C4BPA: variants seen among roughly 807,000 people sequenced by gnomAD.
C4BPA encodes complement component 4 binding protein alpha, also known as C4b-binding protein alpha chain.
Under a neutral mutation model 63.7 loss-of-function variants are expected in C4BPA, and 31 were observed. The ratio of observed to expected loss-of-function variants is 0.49; its 90% CI spans 0.37 to 0.66. The LOEUF is 0.66. Ranked by LOEUF, C4BPA falls within the 30% of genes least tolerant of loss-of-function variation. The probability of loss-of-function intolerance (pLI) is 0.00; values close to 1 mark genes in which losing one functional copy is unlikely to be tolerated. For synonymous variants in C4BPA, 259 were observed against 254.7 expected, an observed-to-expected ratio of 1.02 and a Z score of -0.16; for missense variants, 572 against 723.3, an observed-to-expected ratio of 0.79 and a Z score of 2.40.
rs1684698150 is a variant in C4BPA at position 207,112,863 on chromosome 1, G to A, written c.-25-138G>A. 7.1e-6 allele frequency: 5 copies of A among 699,306 alleles called. No homozygotes were observed. The East Asian group carries it at 1.5e-4, about 21-fold the overall frequency. 43.3% of individuals were successfully genotyped at this position (699,306 alleles called of 1,614,324 possible). On this transcript the variant is annotated intron_variant, in intron 1 of 11. Transcript: ENST00000367070. ...CTTACTGTCTTGTGCTGTAACATTT[G>A]TGCTCAGGGGTTTTTTTGTTTTGTT...
intron 8 of C4BPA, among the ~76,000 whole-genome samples, chr1:207,133,703 T>C (rs1685215336): frequency 6.6e-6 from 1 of 152,142 alleles, no homozygotes; most frequent in Non-Finnish European, 1.5e-5. Context: ...TTTGAGACTG[T>C]AGTGAGCCAT....
At chr1:207,130,856 A>C (rs1011967894) in intron 7 of C4BPA, among the ~76,000 whole-genome samples, 1 of 152,188 alleles carries the variant, frequency 6.6e-6, no homozygotes, top group Non-Finnish European at 1.5e-5. Flanking sequence ...GGTTGATAAA[A>C]ATATTCTGAA....
chr1:207,132,195 G>A (rs1685174387), intron 8 of C4BPA, among the ~76,000 whole-genome samples: 2 of 152,134 alleles, frequency 1.3e-5, no homozygotes, highest in Admixed American at 1.3e-4. Context: ...TGAGATGGCA[G>A]GGCTTCCTGA....
At chr1:207,130,401 T>C (rs1685134574) in intron 7 of C4BPA, among the ~76,000 whole-genome samples, 1 of 152,208 alleles carries the variant, frequency 6.6e-6, no homozygotes, top group Non-Finnish European at 1.5e-5. Context: ...GCAGTCCTGC[T>C]GAAGTTTAAC....
intron 7 of C4BPA, among the ~76,000 whole-genome samples, chr1:207,129,472 A>C (rs555731051): frequency 1.1e-4 from 17 of 151,848 alleles, no homozygotes; most frequent in Non-Finnish European, 2.1e-4. Context: ...ATATCCAAGA[A>C]GCTTGTTGAA....
At chr1:207,109,067 T>C (rs1684615036) in intron 1 of C4BPA, among the ~76,000 whole-genome samples, 2 of 152,148 alleles carry the variant, frequency 1.3e-5, no homozygotes, top group South Asian at 4.1e-4. Context: ...TGTGGATGAC[T>C]TCCTTTCAGG....
chr1:207,129,884 C>T (rs909620009), intron 7 of C4BPA, among the ~76,000 whole-genome samples: 6 of 152,066 alleles, frequency 3.9e-5, no homozygotes, highest in South Asian at 2.1e-4. Flanking sequence ...TCATTTCTGG[C>T]GCTCTTTATT....
At chr1:207,110,043 C>T (rs369980391) in intron 1 of C4BPA, among the ~76,000 whole-genome samples, 16 of 152,264 alleles carry the variant, frequency 1.1e-4, no homozygotes, top group African/African-American at 3.4e-4. Context: ...CTTCATGAGG[C>T]GCAGGCTAGG....
chr1:207,132,163 G>A (rs942418372), intron 8 of C4BPA, among the ~76,000 whole-genome samples: 1 of 152,198 alleles, frequency 6.6e-6, no homozygotes, highest in African/African-American at 2.4e-5. Context: ...AGGGTGACTT[G>A]TGTCTCATGT....
At position 207,141,140 on chromosome 1, in the gene C4BPA, T is replaced by C; in HGVS notation, c.1308T>C (p.His436=). Residue 436 remains histidine (H), a synonymous_variant, in exon 10 of 12, where the codon CAT becomes CAC. Coordinates refer to ENST00000367070, the MANE Select transcript of C4BPA (RefSeq NM_000715.4). ...CNFPPKIAHG[H]YKQSSSYSFF... is the part of the protein sequence containing the mutation. ...TTCCTCCTAAAATTGCCCATGGGCA[T>C]TATAAACAATCTAGTTCATACAGCT... 6.2e-7 allele frequency: 1 copy of C among 1,612,660 alleles called. No homozygotes were observed. The highest frequency in any genetic ancestry group is 8.5e-7 in the Non-Finnish European group (1 of 1,179,320).
intron 1 of C4BPA, among the ~76,000 whole-genome samples, chr1:207,105,663 T>C (rs1684545869): frequency 6.6e-6 from 1 of 151,258 alleles, no homozygotes; most frequent in African/African-American, 2.4e-5. Flanking sequence ...AGAGCCCAGG[T>C]ATAAGGAAGA....
intron 9 of C4BPA, 100 bp downstream of exon 9, chr1:207,134,692 A>G: frequency 1.3e-6 from 1 of 766,288 alleles, no homozygotes; most frequent in Non-Finnish European, 2.1e-6. Context: ...AAATTCATAT[A>G]CCTTGCATGA....
intron 4 of C4BPA, among the ~76,000 whole-genome samples, chr1:207,118,127 T>G (rs977186371): frequency 2.2e-5 from 3 of 133,772 alleles, no homozygotes; most frequent in Non-Finnish European, 1.6e-5. Flanking sequence ...CATCTATCTA[T>G]CATCTATCTG....
chr1:207,107,786 G>A (rs1572772026), intron 1 of C4BPA, among the ~76,000 whole-genome samples: 1 of 152,300 alleles, frequency 6.6e-6, no homozygotes, highest in East Asian at 1.9e-4. Context: ...GTGGTCTAGG[G>A]TGAGGGGAAG....
intron 3 of C4BPA, among the ~76,000 whole-genome samples, chr1:207,114,489 T>TTC (rs1194630008): frequency 1.6e-5 from 2 of 122,280 alleles, no homozygotes; most frequent in Non-Finnish European, 3.4e-5. Flanking sequence ...TCTGTTCTTT[T>TTC]TTTTTTTTTT....
At chr1:207,106,858 C>CA in intron 1 of C4BPA, among the ~76,000 whole-genome samples, 1 of 151,988 alleles carries the variant, frequency 6.6e-6, no homozygotes, top group Non-Finnish European at 1.5e-5. Flanking sequence ...TCTGCATCTG[C>CA]AAAAAAGCAG....
intron 1 of C4BPA, among the ~76,000 whole-genome samples, chr1:207,108,289 T>A (rs1017308982): frequency 6.6e-6 from 1 of 152,190 alleles, no homozygotes; most frequent in Non-Finnish European, 1.5e-5. Context: ...CAGAAATGTT[T>A]ATTTAAATAT....
intron 6 of C4BPA, 143 bp downstream of exon 6, chr1:207,124,509 C>T (rs994615197): frequency 1.5e-6 from 1 of 654,106 alleles, no homozygotes; most frequent in Non-Finnish European, 2.6e-6. Flanking sequence ...ATTTGGCCAC[C>T]TGATACTTAT....
chr1:207,108,178 A>G (rs1302148538), intron 1 of C4BPA, among the ~76,000 whole-genome samples: 2 of 152,292 alleles, frequency 1.3e-5, no homozygotes, highest in East Asian at 3.9e-4. Flanking sequence ...AGAGTCAAAA[A>G]GTTTTAGTTT....
Sources: allele counts gnomAD v4.1 joint callset (sites outside exome capture counted in the v4.1 genomes callset), GRCh38; gene constraint gnomAD v4.1.1; transcripts MANE v1.5; gene names NCBI Gene and HGNC (gene_info 2026-07-23, HGNC 2026-07-21).